Variants in CELF2 observed in about 807,000 individuals in gnomAD.
CELF2 encodes the protein CUG triplet repeat RNA-binding protein 2.
Under a neutral mutation model 62.6 loss-of-function variants are expected in CELF2, and 8 were observed. The observed-to-expected ratio is 0.13, with a 90% CI of 0.07 to 0.23. The LOEUF is 0.23. Ranked by LOEUF, CELF2 falls within the 10% of genes least tolerant of loss-of-function variation. The pLI, the probability that CELF2 is intolerant of heterozygous loss-of-function variation, is 1.00. For missense variants in CELF2, 333 were observed against 671.0 expected (o/e 0.50, Z 5.56); for synonymous variants, 258 against 250.0 (o/e 1.03, Z -0.30).
chr10:11,104,842 T>C (rs1564757237), intron 1 of CELF2, among the ~76,000 whole-genome samples: 2 of 152,186 alleles, frequency 1.3e-5, no homozygotes, highest in African/African-American at 4.8e-5. Context: ...GTTCAGAGCC[T>C]CAGTATCAAC....
chr10:10,642,592 TG>T, the CELF2 span, among the ~76,000 whole-genome samples: 1 of 152,350 alleles, frequency 6.6e-6, no homozygotes, highest in South Asian at 2.1e-4. Flanking sequence ...GCATTTTCCT[TG>T]CCCCCTTCCC....
chr10:11,052,081 T>C (rs1564528761), intron 1 of CELF2, among the ~76,000 whole-genome samples: 1 of 151,964 alleles, frequency 6.6e-6, no homozygotes. Context: ...ATTAGGTATT[T>C]TACAGTCTTG....
chr10:10,465,554 A>T, the CELF2 span, among the ~76,000 whole-genome samples: 2 of 151,958 alleles, frequency 1.3e-5, no homozygotes, highest in Non-Finnish European at 2.9e-5. Context: ...AACAGCTGTA[A>T]TTTTTGTGTG....
At chr10:11,206,269 T>A (rs1002320310) in intron 2 of CELF2, among the ~76,000 whole-genome samples, 9 of 152,172 alleles carry the variant, frequency 5.9e-5, no homozygotes, top group Admixed American at 2.0e-4. Flanking sequence ...TGGAAGCATC[T>A]AATAGCCCAG....
intron 2 of CELF2, among the ~76,000 whole-genome samples, chr10:10,954,839 T>A (rs554949029): frequency 5.3e-5 from 8 of 152,350 alleles, no homozygotes; most frequent in Admixed American, 6.5e-5. Context: ...TGAGTTTTTT[T>A]AAAAAGCAGC....
intron 1 of CELF2, chr10:11,096,362 G>A (rs1294511982): frequency 6.6e-6 from 1 of 152,144 alleles, no homozygotes; most frequent in Non-Finnish European, 1.5e-5. Flanking sequence ...TCCCCTTCAC[G>A]AATCCTTACA....
At chr10:11,101,593 G>C (rs2051659011) in intron 1 of CELF2, among the ~76,000 whole-genome samples, 1 of 152,222 alleles carries the variant, frequency 6.6e-6, no homozygotes, top group African/African-American at 2.4e-5. Context: ...TTCAGGTACA[G>C]TCAGATATTG....
At chr10:10,846,320 G>T (rs2059009828) in intron 1 of CELF2, among the ~76,000 whole-genome samples, 1 of 152,038 alleles carries the variant, frequency 6.6e-6, no homozygotes, top group South Asian at 2.1e-4. Context: ...TGCTGACAAT[G>T]AAATCTTCCC....
At chr10:11,301,369 GCTTCCCCCCCA>G (rs1320833950) in intron 9 of CELF2, among the ~76,000 whole-genome samples, 3 of 43,126 alleles carry the variant, frequency 7.0e-5, no homozygotes, top group African/African-American at 9.4e-5. Flanking sequence ...TCCCCACCCC[GCTTCCCCCCCA>G]CTTCCCCCCT....
At chr10:10,853,728 C>T (rs531625975) in intron 1 of CELF2, among the ~76,000 whole-genome samples, 89 of 152,110 alleles carry the variant, frequency 5.9e-4, no homozygotes, top group African/African-American at 2.1e-3. Context: ...GCTGGCCTCT[C>T]GGTTCTCCTC....
At chr10:11,079,412 C>G (rs1045764494) in intron 1 of CELF2, among the ~76,000 whole-genome samples, 1 of 152,198 alleles carries the variant, frequency 6.6e-6, no homozygotes, top group Non-Finnish European at 1.5e-5. Context: ...TCTGTGTCCC[C>G]ACCCAAATCT....
At chr10:11,238,262 C>T (rs765778493) in intron 3 of CELF2, among the ~76,000 whole-genome samples, 18 of 152,246 alleles carry the variant, frequency 1.2e-4, no homozygotes, top group South Asian at 2.1e-4. Context: ...TGTGATCTTC[C>T]GAGTGTCGCA....
intron 3 of CELF2, among the ~76,000 whole-genome samples, chr10:11,240,925 C>A (rs1443978782): frequency 5.9e-5 from 9 of 152,114 alleles, no homozygotes; most frequent in Admixed American, 6.5e-5. Flanking sequence ...GCTTGTGCTC[C>A]CACCGGACAG....
chr10:11,275,808 G>T (rs753346063), intron 8 of CELF2, among the ~76,000 whole-genome samples: 2 of 152,142 alleles, frequency 1.3e-5, no homozygotes, highest in South Asian at 2.1e-4. Context: ...CACTCCTGCC[G>T]TGCCACCTTC....
At chr10:10,863,902 C>T (rs1175832238) in intron 1 of CELF2, among the ~76,000 whole-genome samples, 3 of 152,196 alleles carry the variant, frequency 2.0e-5, no homozygotes, top group Non-Finnish European at 4.4e-5. Flanking sequence ...TGTAACCAAT[C>T]AAATACTTTA....
intron 3 of CELF2, among the ~76,000 whole-genome samples, chr10:11,240,007 A>G (rs924697422): frequency 1.3e-5 from 2 of 152,212 alleles, no homozygotes; most frequent in Non-Finnish European, 2.9e-5. Flanking sequence ...AGCTAACGTC[A>G]TGCCATTGCA....
intron 1 of CELF2, among the ~76,000 whole-genome samples, chr10:11,125,503 G>A (rs776303289): frequency 1.3e-4 from 20 of 151,688 alleles, no homozygotes; most frequent in African/African-American, 2.9e-4. Context: ...GAGCTCAACC[G>A]TAACAACTAA....
At chr10:10,693,924 A>G in the CELF2 span, among the ~76,000 whole-genome samples, 1 of 151,748 alleles carries the variant, frequency 6.6e-6, no homozygotes, top group Non-Finnish European at 1.5e-5. Context: ...TAGTCTTGCT[A>G]GCAATCTACC....
chr10:11,308,745 G>A (rs1353713170), intron 9 of CELF2, among the ~76,000 whole-genome samples: 1 of 152,160 alleles, frequency 6.6e-6, no homozygotes, highest in African/African-American at 2.4e-5. Context: ...ATGGTGAACT[G>A]TCTAGGCTAA....
Sources: allele counts gnomAD v4.1 joint callset (sites outside exome capture counted in the v4.1 genomes callset), GRCh38; gene constraint gnomAD v4.1.1; transcripts MANE v1.5; gene names NCBI Gene and HGNC (gene_info 2026-07-23, HGNC 2026-07-21).